Variants in GALNT5 observed in about 807,000 individuals in gnomAD.
GALNT5 encodes the protein UDP-GalNAc:polypeptide N-acetylgalactosaminyltransferase 5.
A neutral mutation model predicts 85.4 loss-of-function variants in GALNT5; 72 were observed. The ratio of observed to expected loss-of-function variants is 0.84; its 90% confidence interval spans 0.70 to 1.03. The LOEUF (loss-of-function observed/expected upper bound fraction) is 1.03, where lower values mean the gene tolerates loss of function less well. Ranked by LOEUF, GALNT5 falls within the 50% of genes least tolerant of loss-of-function variation. The pLI, the probability that GALNT5 is intolerant of heterozygous loss-of-function variation, is 0.00. For missense variants in GALNT5, 1,137 were observed against 1,135.5 expected (o/e 1.00, Z -0.02); for synonymous variants, 404 against 397.0 (o/e 1.02, Z -0.21).
intron 1 of GALNT5, among the ~76,000 whole-genome samples, chr2:157,268,459 GT>G: frequency 6.6e-6 from 1 of 152,180 alleles, no homozygotes; most frequent in East Asian, 1.9e-4. Flanking sequence ...TCTCACATGA[GT>G]TTTTCAGCAT....
intron 1 of GALNT5, among the ~76,000 whole-genome samples, chr2:157,282,254 TAAG>T (rs2105140401): frequency 6.6e-6 from 1 of 152,304 alleles, no homozygotes; most frequent in African/African-American, 2.4e-5. Context: ...CCTCAAATAA[TAAG>T]AATAAATTAA....
rs201888845 is a variant in GALNT5, at chr2:157,308,612, G to A, written c.2566G>A (p.Glu856Lys). The change falls in exon 9 of 10, where the codon GAA becomes AAA. Residue 856 changes from glutamate to lysine, a missense_variant. Glu to Lys is a moderately conservative substitution (Grantham distance 56). Coordinates refer to ENST00000259056, the MANE Select transcript of GALNT5 (RefSeq NM_014568.3). ...CTGGTTAAGACTTATTAAATGTGGA[G>A]AATGGTGTATAGCCCCCATCCCTGA... ...YTWLRLIKCGEWCIAPIPDKG... is the reference protein window; with the variant it reads ...YTWLRLIKCGKWCIAPIPDKG... The A allele has an allele frequency of 1.2e-4, 198 of 1,613,300 alleles. No homozygotes were observed. Among genetic ancestry groups the A allele is most frequent in the Non-Finnish European group, 1.1e-4 (129 of 1,179,570 alleles).
chr2:157,289,524 C>G (rs1454368775), intron 3 of GALNT5, among the ~76,000 whole-genome samples: 1 of 152,080 alleles, frequency 6.6e-6, no homozygotes, highest in Non-Finnish European at 1.5e-5. Context: ...TAGATCCTAG[C>G]CAATCTCAAT....
At chr2:157,273,520 A>G (rs189622848) in intron 1 of GALNT5, among the ~76,000 whole-genome samples, 89 of 149,996 alleles carry the variant, frequency 5.9e-4, no homozygotes, top group African/African-American at 1.8e-3. Context: ...AAATTTAGGG[A>G]AAAAAAAACA....
At position 157,308,719 on chromosome 2, in the gene GALNT5, T is replaced by C. The variant is rs775105385; in HGVS notation, c.2673T>C (p.His891=). The C allele has an allele frequency of 8.7e-6, 14 of 1,610,752 alleles. No individual in the cohort carries two copies. Among genetic ancestry groups the C allele is most frequent in the Admixed American group, 1.7e-5 (1 of 59,188 alleles). Residue 891 remains histidine (H), a synonymous_variant, in exon 9 of 10, where the codon CAT becomes CAC. Coordinates refer to ENST00000259056, the MANE Select transcript of GALNT5 (RefSeq NM_014568.3). ...KWLHKSTSVF[H]PELVNHIVFE... ...TGCATAAATCAACATCAGTCTTTCA[T>C]CCAGAACTGGTAAGCAAAAGATTGG...
chr2:157,290,210 A>G (rs1683071395), intron 3 of GALNT5, among the ~76,000 whole-genome samples: 1 of 151,996 alleles, frequency 6.6e-6, no homozygotes, highest in Non-Finnish European at 1.5e-5. Flanking sequence ...ACAAATTGCT[A>G]TAAAGTTTCA....
intron 9 of GALNT5, among the ~76,000 whole-genome samples, chr2:157,309,934 C>T (rs1683531879): frequency 6.6e-6 from 1 of 151,968 alleles, no homozygotes; most frequent in Non-Finnish European, 1.5e-5. Flanking sequence ...TAGTGAATAA[C>T]TTACATCTTA....
chr2:157,314,707 A>C lies in GALNT5; in HGVS notation c.*3359A>C, dbSNP rs1194092298. On this transcript the variant is annotated 3_prime_UTR_variant, in exon 10 of 10. Coordinates refer to ENST00000259056, the MANE Select transcript of GALNT5 (RefSeq NM_014568.3). ...TAGCAGGCACTCATGCAATAGAATA[A>C]GATTGAAACATGCCAGAGAGTACCA... 6.6e-6 allele frequency among the ~76,000 whole-genome samples: 1 copy of C among 152,210 alleles called. No individual in the cohort carries two copies. Among genetic ancestry groups the C allele is most frequent in the Non-Finnish European group, 1.5e-5 (1 of 68,038 alleles).
Position 157,286,781 on chromosome 2 carries a change from C to T in GALNT5, c.1741+647C>T, listed in dbSNP as rs193105215. On this transcript the variant is annotated intron_variant, in intron 3 of 9. Transcript: ENST00000259056. ...CCTCCCAAAGTGCTGGGATTACAGG[C>T]CTCAAAATGTTTTTTTAAATTCGGG... Among the ~76,000 whole-genome samples, 237 of 152,134 alleles carry T rather than the reference C, an allele frequency of 1.6e-3. 3 individuals carry two copies. Among genetic ancestry groups the T allele is most frequent in the Non-Finnish European group, 1.2e-3 (80 of 68,000 alleles).
intron 2 of GALNT5, 33 bp from the exon 3 acceptor site, chr2:157,285,982 A>G: frequency 6.5e-7 from 1 of 1,545,196 alleles, no homozygotes; most frequent in South Asian, 1.1e-5. Flanking sequence ...ACTTAATTCA[A>G]GTATTTCCTG....
chr2:157,258,845 T>A lies in GALNT5; in HGVS notation c.763T>A (p.Leu255Ile). ...GCCGAAGTCTGGGGAAGCCATGGCC[T>A]TAAACAAAACTAAGACTCAGAGCAA... ...AVPKSGEAMA[L>I]NKTKTQSKEV... The change falls in exon 1 of 10, where the codon TTA becomes ATA. Residue 255 changes from leucine (L) to isoleucine (I), a missense_variant. Leu to Ile is a conservative substitution (Grantham distance 5). Coordinates refer to ENST00000259056, the MANE Select transcript of GALNT5 (RefSeq NM_014568.3). 2.5e-6 allele frequency: 4 copies of A among 1,579,240 alleles called. No homozygotes were observed. The South Asian group carries it at 4.6e-5, about 18-fold the overall frequency.
intron 5 of GALNT5, 33 bp from the exon 6 acceptor site, chr2:157,299,515 G>C (rs1386324597): frequency 1.6e-6 from 2 of 1,268,356 alleles, no homozygotes; most frequent in Non-Finnish European, 2.3e-6. Context: ...TTCATGAGAT[G>C]CAAGTTTAAA....
At chr2:157,290,397 G>A (rs2105150051) in intron 3 of GALNT5, among the ~76,000 whole-genome samples, 1 of 152,134 alleles carries the variant, frequency 6.6e-6, no homozygotes, top group African/African-American at 2.4e-5. Context: ...CCTGTCCCCT[G>A]TGGGGAATTC....
In GALNT5 at chr2:157,311,263, T is replaced by C; in HGVS notation, c.2738T>C (p.Phe913Ser). 1 of 1,610,888 alleles carries C rather than the reference T, an allele frequency of 6.2e-7. No homozygotes were observed. The highest frequency in any genetic ancestry group is 8.5e-7 in the Non-Finnish European group (1 of 1,177,566). The change falls in exon 10 of 10, where the codon TTT (phenylalanine) becomes TCT (serine). Residue 913 changes from phenylalanine to serine, a missense_variant. Phe to Ser is a radical substitution (Grantham distance 155). Coordinates refer to ENST00000259056, the MANE Select transcript of GALNT5 (RefSeq NM_014568.3). Reference protein sequence around the residue: ...NQQLLCLEGNFSQKILKVAAC... With the variant: ...NQQLLCLEGNSSQKILKVAAC... ...CAATTATTATGCTTGGAAGGAAATT[T>C]TTCTCAAAAGATCCTGAAAGTAGCT...
At chr2:157,280,805 A>T (rs1002992009) in intron 1 of GALNT5, among the ~76,000 whole-genome samples, 1 of 152,066 alleles carries the variant, frequency 6.6e-6, no homozygotes, top group Admixed American at 6.5e-5. Context: ...CCCCTTGGTG[A>T]TATGTGTGTT....
chr2:157,300,676 G>C lies in GALNT5; in HGVS notation c.2116G>C (p.Val706Leu). ...GGENMELSFKVWMCGGEIEII... is the reference protein window; with the variant it reads ...GGENMELSFKLWMCGGEIEII... The stretch of plus-strand genomic sequence containing the variant: ...GATGCTTATCATCAAATTCTTCCAG[G>C]TGTGGATGTGTGGTGGTGAAATTGA... Residue 706 changes from valine (V) to leucine (L), a missense_variant and splice_region_variant, in exon 7 of 10, where the codon GTG (valine) becomes CTG (leucine). Coordinates refer to ENST00000259056, the MANE Select transcript of GALNT5 (RefSeq NM_014568.3). The C allele has an allele frequency of 6.2e-7, 1 of 1,605,628 alleles. No individual in the cohort carries two copies. Among genetic ancestry groups the C allele is most frequent in the Non-Finnish European group, 8.5e-7 (1 of 1,172,446 alleles).
chr2:157,289,235 A>T (rs1411854977), intron 3 of GALNT5, among the ~76,000 whole-genome samples: 1 of 152,212 alleles, frequency 6.6e-6, no homozygotes, highest in Non-Finnish European at 1.5e-5. Context: ...TATGAGCTTG[A>T]TTAAAGCAGT....
At chr2:157,276,354 G>T (rs1444621721) in intron 1 of GALNT5, among the ~76,000 whole-genome samples, 1 of 152,150 alleles carries the variant, frequency 6.6e-6, no homozygotes, top group Admixed American at 6.5e-5. Flanking sequence ...GAGTTAGGGA[G>T]GATTCCTGCT....
intron 1 of GALNT5, among the ~76,000 whole-genome samples, chr2:157,262,913 C>T (rs769405951): frequency 8.7e-5 from 13 of 149,412 alleles, no homozygotes; most frequent in South Asian, 2.1e-4. Context: ...CTGCAAACTC[C>T]GCCTCCGGGG....
Sources: gnomAD v4.1 joint callset for allele counts (sites outside exome capture counted in the v4.1 genomes callset) on GRCh38, gnomAD v4.1.1 for gene constraint, MANE v1.5 for transcripts, NCBI Gene and HGNC (gene_info 2026-07-23, HGNC 2026-07-21) for gene names.